ERC2: variants seen among roughly 807,000 people sequenced by gnomAD.
The protein encoded by ERC2 is ELKS/RAB6-interacting/CAST family member 2, also known as ERC protein 2.
ERC2 carries 42 observed loss-of-function variants against 114.8 expected under a neutral mutation model. The ratio of observed to expected loss-of-function variants is 0.37; its 90% CI spans 0.29 to 0.47. ERC2 has a LOEUF of 0.47. Among genes scored for constraint, ERC2 ranks in the 20% least tolerant of loss-of-function variants. ERC2 has a pLI of 0.99. For synonymous variants in ERC2, 454 were observed against 425.5 expected, an observed-to-expected ratio of 1.07 and a Z score of -0.82; for missense variants, 939 against 1,150.7, an observed-to-expected ratio of 0.82 and a Z score of 2.66.
intron 2 of ERC2, among the ~76,000 whole-genome samples, chr3:56,399,909 C>T (rs1249505105): frequency 6.6e-6 from 1 of 152,038 alleles, no homozygotes; most frequent in Non-Finnish European, 1.5e-5. Context: ...ATAGGACAAA[C>T]AATCTGGTCT....
intron 15 of ERC2, among the ~76,000 whole-genome samples, chr3:55,723,667 T>G (rs1327970474): frequency 6.6e-6 from 1 of 152,098 alleles, no homozygotes; most frequent in Non-Finnish European, 1.5e-5. Context: ...GAGGAGAGGG[T>G]GAAAAATCCT....
chr3:55,853,047 G>A (rs75294356), intron 14 of ERC2, among the ~76,000 whole-genome samples: 1 of 152,256 alleles, frequency 6.6e-6, no homozygotes, highest in Non-Finnish European at 1.5e-5. Flanking sequence ...AACGAAAAAT[G>A]TCTCCAGTTG....
At chr3:56,121,269 T>A (rs1157262682) in intron 6 of ERC2, among the ~76,000 whole-genome samples, 2 of 152,240 alleles carry the variant, frequency 1.3e-5, no homozygotes, top group Non-Finnish European at 2.9e-5. Context: ...TCTCGGTTCA[T>A]CGATCTTTCT....
intron 17 of ERC2, among the ~76,000 whole-genome samples, chr3:55,630,579 T>G (rs2059712949): frequency 6.6e-6 from 1 of 152,194 alleles, no homozygotes; most frequent in African/African-American, 2.4e-5. Context: ...ACTGGTACTT[T>G]TTGCTCAATG....
chr3:56,044,395 G>C (rs2075356994), intron 7 of ERC2, among the ~76,000 whole-genome samples: 1 of 151,344 alleles, frequency 6.6e-6, no homozygotes, highest in Admixed American at 6.6e-5. Context: ...TTCTAAATTT[G>C]GTTATGATCT....
intron 17 of ERC2, chr3:55,659,289 G>A (rs531887524): frequency 3.3e-5 from 5 of 152,292 alleles, no homozygotes; most frequent in East Asian, 1.9e-4. Flanking sequence ...TTATAAGCCC[G>A]TGTTGCCTCT....
chr3:56,376,092 T>C (rs151183075), intron 2 of ERC2, among the ~76,000 whole-genome samples: 6 of 152,348 alleles, frequency 3.9e-5, no homozygotes, highest in African/African-American at 9.6e-5. Flanking sequence ...AGGTGGCACA[T>C]TGATTGCAAC....
chr3:55,592,898 A>C (rs955044856), intron 17 of ERC2, among the ~76,000 whole-genome samples: 1 of 152,218 alleles, frequency 6.6e-6, no homozygotes, highest in Non-Finnish European at 1.5e-5. Context: ...TGTACCCGTT[A>C]AAATGCACAT....
At chr3:55,836,334 C>T (rs2060882883) in intron 14 of ERC2, among the ~76,000 whole-genome samples, 1 of 152,108 alleles carries the variant, frequency 6.6e-6, no homozygotes, top group African/African-American at 2.4e-5. Flanking sequence ...GGAGGCATCA[C>T]ACTACCTGAC....
At chr3:55,645,110 T>G (rs1274741946) in intron 17 of ERC2, among the ~76,000 whole-genome samples, 1 of 152,206 alleles carries the variant, frequency 6.6e-6, no homozygotes, top group Non-Finnish European at 1.5e-5. Context: ...GAAAGAGATC[T>G]GGGACTTTAT....
At chr3:56,347,243 T>C (rs941983404) in intron 2 of ERC2, among the ~76,000 whole-genome samples, 2 of 152,110 alleles carry the variant, frequency 1.3e-5, no homozygotes, top group African/African-American at 4.8e-5. Context: ...AATACCATGG[T>C]AGTCGAAACA....
intron 12 of ERC2, among the ~76,000 whole-genome samples, chr3:55,974,723 A>G (rs2069446367): frequency 6.6e-6 from 1 of 152,156 alleles, no homozygotes; most frequent in Admixed American, 6.5e-5. Context: ...CACTGCCTCC[A>G]TGAAGGCCCA....
At position 55,899,683 on chromosome 3, in the gene ERC2, T is replaced by C. The variant is rs957715674; in HGVS notation, c.2404-11134A>G. 5.9e-5 allele frequency among the ~76,000 whole-genome samples: 9 copies of C among 152,288 alleles called. No individual in the cohort carries two copies. The East Asian group carries it at 1.7e-3, about 29-fold the overall frequency. On this transcript the variant is annotated intron_variant, in intron 13 of 17. Transcript: ENST00000288221. ...AGTGAGGAAAGCAGGTGGTAAATGGTAGATACAATACAATCTCAACTATGT... is the reference window on the plus strand; with the variant it reads ...AGTGAGGAAAGCAGGTGGTAAATGGCAGATACAATACAATCTCAACTATGT...
chr3:55,714,378 G>A (rs1293831064), intron 15 of ERC2, among the ~76,000 whole-genome samples: 2 of 152,000 alleles, frequency 1.3e-5, no homozygotes, highest in African/African-American at 2.4e-5. Flanking sequence ...CACAGGGATG[G>A]CAATCATAGG....
chr3:56,423,194 A>T (rs1205869015), intron 2 of ERC2, among the ~76,000 whole-genome samples: 1 of 152,258 alleles, frequency 6.6e-6, no homozygotes. Context: ...TAGTTTTTAT[A>T]TCATCATTTT....
chr3:56,078,529 A>G (rs948294468), intron 7 of ERC2, among the ~76,000 whole-genome samples: 2 of 152,178 alleles, frequency 1.3e-5, no homozygotes, highest in African/African-American at 2.4e-5. Flanking sequence ...ATTAGAATGC[A>G]TTGATAATCT....
At chr3:55,640,803 C>T (rs976583423) in intron 17 of ERC2, among the ~76,000 whole-genome samples, 4 of 152,146 alleles carry the variant, frequency 2.6e-5, no homozygotes, top group South Asian at 2.1e-4. Flanking sequence ...CTGTAGGAGA[C>T]GTTCTTTTTG....
intron 6 of ERC2, among the ~76,000 whole-genome samples, chr3:56,120,124 G>A (rs2079490141): frequency 6.6e-6 from 1 of 151,912 alleles, no homozygotes. Flanking sequence ...TTAGTTGCCA[G>A]CATTGAAAAA....
At chr3:56,078,943 T>C (rs1187248860) in intron 7 of ERC2, among the ~76,000 whole-genome samples, 2 of 150,830 alleles carry the variant, frequency 1.3e-5, no homozygotes, top group African/African-American at 4.9e-5. Context: ...AAAATAAAAC[T>C]GGATGAGAGA....
Sources: gnomAD v4.1 joint callset for allele counts (sites outside exome capture counted in the v4.1 genomes callset) on GRCh38, gnomAD v4.1.1 for gene constraint, MANE v1.5 for transcripts, NCBI Gene and HGNC (gene_info 2026-07-23, HGNC 2026-07-21) for gene names.